Variants in SMOC1 observed in about 807,000 individuals in gnomAD.
SMOC1 encodes SPARC related modular calcium binding 1.
SMOC1 carries 22 observed loss-of-function variants against 56.3 expected under a neutral mutation model. The observed-to-expected ratio is 0.39, with a 90% CI of 0.28 to 0.56. SMOC1 has a LOEUF of 0.56. Among genes scored for constraint, SMOC1 ranks in the 20% least tolerant of loss-of-function variants. The pLI is 0.61. For missense variants in SMOC1, 509 were observed against 565.4 expected (o/e 0.90, Z 1.01); for synonymous variants, 193 against 215.0 (o/e 0.90, Z 0.89).
intron 1 of SMOC1, among the ~76,000 whole-genome samples, chr14:69,910,235 T>C (rs1011996279): frequency 3.9e-5 from 6 of 152,220 alleles, no homozygotes; most frequent in East Asian, 1.9e-4. Context: ...CCACTTACGA[T>C]TGAGCAAACC....
At chr14:69,958,055 A>C (rs1015424613) in intron 3 of SMOC1, among the ~76,000 whole-genome samples, 2 of 152,254 alleles carry the variant, frequency 1.3e-5, no homozygotes, top group African/African-American at 4.8e-5. Context: ...TATTGTTAAG[A>C]AAATATATAC....
At chr14:69,888,669 A>AG (rs1184166476) in intron 1 of SMOC1, among the ~76,000 whole-genome samples, 1 of 113,642 alleles carries the variant, frequency 8.8e-6, no homozygotes, top group Non-Finnish European at 2.1e-5. Flanking sequence ...AAGGGCTGAA[A>AG]GCCTTTTTTT....
chr14:69,973,109 G>T (rs1883834689), intron 3 of SMOC1, among the ~76,000 whole-genome samples: 1 of 152,190 alleles, frequency 6.6e-6, no homozygotes. Context: ...GCTGCCACTG[G>T]CAAGGAACTG....
intron 1 of SMOC1, among the ~76,000 whole-genome samples, chr14:69,889,363 C>A (rs544415667): frequency 2.6e-5 from 4 of 152,218 alleles, no homozygotes; most frequent in Non-Finnish European, 5.9e-5. Flanking sequence ...AGGAAGAATT[C>A]TCTCAGCTTC....
At chr14:69,939,240 T>TA (rs1882458883) in intron 1 of SMOC1, among the ~76,000 whole-genome samples, 1 of 152,206 alleles carries the variant, frequency 6.6e-6, no homozygotes, top group Non-Finnish European at 1.5e-5. Flanking sequence ...GGAAGCCTCA[T>TA]AATCATGGTG....
chr14:69,935,055 A>G (rs1885261639), intron 1 of SMOC1, among the ~76,000 whole-genome samples: 1 of 152,202 alleles, frequency 6.6e-6, no homozygotes, highest in Admixed American at 6.5e-5. Context: ...TTCCTCTCTA[A>G]TTCCCTCTTA....
intron 1 of SMOC1, among the ~76,000 whole-genome samples, chr14:69,903,592 T>C (rs1332806812): frequency 6.6e-6 from 1 of 152,242 alleles, no homozygotes; most frequent in Non-Finnish European, 1.5e-5. Context: ...GCTGTTGATC[T>C]ACGACCTTAC....
At chr14:69,896,763 G>T (rs925567880) in intron 1 of SMOC1, among the ~76,000 whole-genome samples, 1 of 152,170 alleles carries the variant, frequency 6.6e-6, no homozygotes, top group Non-Finnish European at 1.5e-5. Flanking sequence ...TCCTTGGCAT[G>T]GTCTTCCTCC....
intron 1 of SMOC1, chr14:69,885,654 G>A (rs1209762323): frequency 1.4e-6 from 2 of 1,448,526 alleles, no homozygotes; most frequent in Non-Finnish European, 9.6e-7. Flanking sequence ...AGCTCGATGG[G>A]ATCCATGTCG....
chr14:69,971,009 G>A (rs1461111274), intron 3 of SMOC1, among the ~76,000 whole-genome samples: 1 of 152,164 alleles, frequency 6.6e-6, no homozygotes, highest in Non-Finnish European at 1.5e-5. Context: ...AAGGACCTTT[G>A]AGACCCCTAG....
chr14:70,002,184 C>G (rs1594849172), intron 7 of SMOC1, among the ~76,000 whole-genome samples: 1 of 152,180 alleles, frequency 6.6e-6, no homozygotes, highest in East Asian at 1.9e-4. Flanking sequence ...GGTGCTCCCT[C>G]CAGGGGGTCC....
intron 1 of SMOC1, among the ~76,000 whole-genome samples, chr14:69,883,112 A>G (rs913939341): frequency 5.3e-5 from 8 of 152,268 alleles, no homozygotes; most frequent in Non-Finnish European, 1.5e-5. Flanking sequence ...TGATAGCATT[A>G]CCTCGCATAA....
chr14:69,950,885 C>T (rs968586478), intron 1 of SMOC1, among the ~76,000 whole-genome samples: 1 of 152,214 alleles, frequency 6.6e-6, no homozygotes, highest in Non-Finnish European at 1.5e-5. Context: ...CAAAACTTAA[C>T]GGCTTAAAAC....
chr14:69,926,814 C>G (rs1314074624), intron 1 of SMOC1, among the ~76,000 whole-genome samples: 3 of 152,186 alleles, frequency 2.0e-5, no homozygotes, highest in African/African-American at 7.2e-5. Context: ...GTCAGCAGAC[C>G]TCATTGAAAG....
intron 1 of SMOC1, among the ~76,000 whole-genome samples, chr14:69,880,914 A>G (rs1241169836): frequency 6.6e-6 from 1 of 152,236 alleles, no homozygotes; most frequent in East Asian, 1.9e-4. Context: ...AAGTCTTGCA[A>G]TGCTTGACAA....
chr14:69,961,222 G>T (rs1326392330), intron 3 of SMOC1, among the ~76,000 whole-genome samples: 8 of 137,374 alleles, frequency 5.8e-5, no homozygotes, highest in African/African-American at 2.2e-4. Context: ...CCTTGTTGTA[G>T]CATGAATCAG....
intron 1 of SMOC1, among the ~76,000 whole-genome samples, chr14:69,947,014 T>A (rs1241714219): frequency 6.6e-6 from 1 of 152,204 alleles, no homozygotes. Context: ...GCCAGTGTTA[T>A]GCTTCCTGTA....
chr14:69,978,943 C>T (rs970414118), intron 5 of SMOC1, among the ~76,000 whole-genome samples: 1 of 151,776 alleles, frequency 6.6e-6, no homozygotes, highest in Non-Finnish European at 1.5e-5. Context: ...CCACTGACCT[C>T]CAGGACAGCA....
intron 1 of SMOC1, among the ~76,000 whole-genome samples, chr14:69,949,443 C>G (rs577723675): frequency 6.6e-6 from 1 of 152,190 alleles, no homozygotes. Flanking sequence ...AAGCAGACAT[C>G]GTTCTCATCT....
Sources: allele counts gnomAD v4.1 joint callset (sites outside exome capture counted in the v4.1 genomes callset), GRCh38; gene constraint gnomAD v4.1.1; transcripts MANE v1.5; gene names NCBI Gene and HGNC (gene_info 2026-07-23, HGNC 2026-07-21).